FAM110B: variants seen among roughly 807,000 people sequenced by gnomAD.
The protein encoded by FAM110B is protein FAM110B.
FAM110B carries 6 observed loss-of-function variants against 20.4 expected under a neutral mutation model. The ratio of observed to expected loss-of-function variants is 0.29; its 90% CI spans 0.16 to 0.58. The LOEUF (loss-of-function observed/expected upper bound fraction) is 0.58, where lower values mean the gene tolerates loss of function less well. FAM110B is among the 20% of genes least tolerant of loss of function. The pLI is 0.90. For missense variants in FAM110B, 434 were observed against 498.2 expected, an observed-to-expected ratio of 0.87 and a Z score of 1.23; for synonymous variants, 226 against 214.1, an observed-to-expected ratio of 1.06 and a Z score of -0.49.
At chr8:58,037,210 G>A (rs1381557522) in intron 2 of FAM110B, among the ~76,000 whole-genome samples, 2 of 151,714 alleles carry the variant, frequency 1.3e-5, no homozygotes, top group East Asian at 3.9e-4. Flanking sequence ...TTGTTACATA[G>A]GATTATCTTT....
chr8:58,008,978 C>A (rs1804471849), intron 1 of FAM110B, among the ~76,000 whole-genome samples: 2 of 152,178 alleles, frequency 1.3e-5, no homozygotes, highest in Admixed American at 6.5e-5. Context: ...TTAGTTCAGG[C>A]CTTGGTCATC....
intron 1 of FAM110B, among the ~76,000 whole-genome samples, chr8:58,001,374 AGG>A (rs1491570646): frequency 1.7e-5 from 2 of 115,590 alleles, no homozygotes; most frequent in Non-Finnish European, 3.4e-5. Flanking sequence ...TAGTGTGTGC[AGG>A]TGTGTGTGTG....
At chr8:58,052,948 G>A (rs989308634) in intron 2 of FAM110B, among the ~76,000 whole-genome samples, 4 of 146,150 alleles carry the variant, frequency 2.7e-5, no homozygotes, top group East Asian at 2.0e-4. Context: ...ACCACGCCCG[G>A]CTAATTTTTT....
chr8:58,146,119 C>G lies in FAM110B; in HGVS notation c.-112C>G, dbSNP rs1803856590. 1 of 1,303,020 alleles carries G rather than the reference C, an allele frequency of 7.7e-7. No homozygotes were observed. The highest frequency in any genetic ancestry group is 1.5e-5 in the South Asian group (1 of 65,154). 80.7% of individuals were successfully genotyped at this position (1,303,020 alleles called of 1,614,324 possible). A position where few individuals can be genotyped will look rare whatever the true frequency, so the allele number is the denominator to read the frequency against. On this transcript the variant is annotated 5_prime_UTR_variant, in exon 4 of 4. Transcript: ENST00000519262. ...CTGCGGCCGCTGCTGCTGACACTCG[C>G]TCCCAGGCTGCACCCGCCGCCCTTG...
At chr8:58,105,129 G>C (rs1308148771) in intron 3 of FAM110B, among the ~76,000 whole-genome samples, 1 of 151,932 alleles carries the variant, frequency 6.6e-6, no homozygotes, top group Admixed American at 6.6e-5. Context: ...GGGGGAGGTG[G>C]TAATTTCTAA....
rs1019228834 is a variant in FAM110B, at chr8:58,146,734, G to C, written c.504G>C (p.Thr168=). The stretch of plus-strand genomic sequence containing the variant: ...CGGAGTCCCTGAAGGTCTACCCCAC[G>C]CAGGGCCGCAGGAGCCCGCAGGAGG... The part of the protein sequence containing the change: ...SFAESLKVYP[T]QGRRSPQEGG... The change falls in exon 4 of 4, where the codon ACG becomes ACC. Residue 168 remains threonine, a synonymous_variant. Coordinates refer to ENST00000519262, the MANE Select transcript of FAM110B (RefSeq NM_001377989.1). The C allele has an allele frequency of 6.2e-6, 10 of 1,611,852 alleles. No homozygotes were observed. In the South Asian group the frequency reaches 9.9e-5, roughly 16 times the overall value.
intron 3 of FAM110B, among the ~76,000 whole-genome samples, chr8:58,140,197 C>A (rs959690264): frequency 2.0e-5 from 3 of 152,180 alleles, no homozygotes; most frequent in African/African-American, 4.8e-5. Flanking sequence ...TCATCCTCAA[C>A]ATGTACCTCC....
chr8:58,024,854 G>C (rs1173483071), intron 1 of FAM110B, among the ~76,000 whole-genome samples: 2 of 152,202 alleles, frequency 1.3e-5, no homozygotes, highest in East Asian at 3.9e-4. Context: ...GCCAAAGAGA[G>C]TATATTAGCT....
rs893255553 is a variant in FAM110B, at chr8:58,052,946, C to T, written c.-414+21243C>T. Among the ~76,000 whole-genome samples, 7 of 148,020 alleles carry T rather than the reference C, an allele frequency of 4.7e-5. 1 individual carries two copies. In the South Asian group the frequency reaches 6.8e-4, roughly 14 times the overall value. On this transcript the variant is annotated intron_variant, in intron 2 of 3. Coordinates refer to ENST00000519262, the MANE Select transcript of FAM110B (RefSeq NM_001377989.1). The stretch of plus-strand genomic sequence containing the variant: ...GACTACAGGCGCCCGCTACCACGCC[C>T]GGCTAATTTTTTGTATTTTTAGTAG...
At chr8:58,016,154 T>G (rs1306483445) in intron 1 of FAM110B, among the ~76,000 whole-genome samples, 1 of 152,220 alleles carries the variant, frequency 6.6e-6, no homozygotes, top group Non-Finnish European at 1.5e-5. Context: ...ATGCTCTCAT[T>G]GCCACTTTGA....
At chr8:58,038,020 A>G (rs1271620657) in intron 2 of FAM110B, among the ~76,000 whole-genome samples, 1 of 152,182 alleles carries the variant, frequency 6.6e-6, no homozygotes, top group African/African-American at 2.4e-5. Context: ...TGCAAGATGT[A>G]TTGTACCAAA....
intron 3 of FAM110B, among the ~76,000 whole-genome samples, chr8:58,079,130 T>A (rs1185202728): frequency 6.6e-6 from 1 of 152,046 alleles, no homozygotes; most frequent in Non-Finnish European, 1.5e-5. Flanking sequence ...GACTCAGAGA[T>A]CAGATTCCAG....
intron 1 of FAM110B, among the ~76,000 whole-genome samples, chr8:58,007,969 A>AT (rs548427678): frequency 2.0e-5 from 3 of 152,048 alleles, no homozygotes; most frequent in Non-Finnish European, 4.4e-5. Context: ...TGTAAGATAT[A>AT]TTTTTTCTAT....
chr8:58,036,216 G>A (rs1805072015), intron 2 of FAM110B, among the ~76,000 whole-genome samples: 1 of 152,124 alleles, frequency 6.6e-6, no homozygotes, highest in Non-Finnish European at 1.5e-5. Flanking sequence ...TCTTTTCTCA[G>A]CTAATTTGGG....
intron 1 of FAM110B, among the ~76,000 whole-genome samples, chr8:58,024,767 G>T (rs1349655633): frequency 2.0e-5 from 3 of 152,146 alleles, no homozygotes; most frequent in Non-Finnish European, 4.4e-5. Context: ...CCTTTTTACA[G>T]ACCAGGAGGT....
chr8:58,050,088 G>A (rs1283188815), intron 2 of FAM110B, among the ~76,000 whole-genome samples: 2 of 152,144 alleles, frequency 1.3e-5, no homozygotes, highest in East Asian at 3.8e-4. Context: ...TGAGAAAAAT[G>A]GCAAATGCAT....
At chr8:58,034,831 A>G (rs955969998) in intron 2 of FAM110B, among the ~76,000 whole-genome samples, 1 of 151,274 alleles carries the variant, frequency 6.6e-6, no homozygotes, top group African/African-American at 2.5e-5. Flanking sequence ...TCTGTAACTG[A>G]GAGCCCTCCG....
intron 1 of FAM110B, among the ~76,000 whole-genome samples, chr8:58,006,901 G>GTATATATATATATATATAGA (rs1804415682): frequency 1.0e-5 from 1 of 97,496 alleles, no homozygotes; most frequent in Non-Finnish European, 2.2e-5. Flanking sequence ...GGCTTAATTG[G>GTATATATATATATATATAGA]TATATATATA....
intron 3 of FAM110B, among the ~76,000 whole-genome samples, chr8:58,141,871 G>C (rs573237742): frequency 6.6e-6 from 1 of 152,222 alleles, no homozygotes; most frequent in Admixed American, 6.5e-5. Flanking sequence ...GGCCTCAGAG[G>C]CTTTGAGGCA....
Sources: allele counts gnomAD v4.1 joint callset (sites outside exome capture counted in the v4.1 genomes callset), GRCh38; gene constraint gnomAD v4.1.1; transcripts MANE v1.5; gene names NCBI Gene and HGNC (gene_info 2026-07-23, HGNC 2026-07-21).